The following DLX1 variants were observed in gnomAD, a reference collection of about 807,000 sequenced individuals.
The protein encoded by DLX1 is distal-less homeobox 1.
A neutral mutation model predicts 25.0 loss-of-function variants in DLX1; 7 were observed. The observed-to-expected ratio is 0.28, with a 90% CI of 0.16 to 0.52. DLX1 has a LOEUF of 0.52. Ranked by LOEUF, DLX1 falls within the 20% of genes least tolerant of loss-of-function variation. The pLI is 0.96. For synonymous variants in DLX1, 155 were observed against 140.3 expected (o/e 1.10, Z -0.74); for missense variants, 233 against 334.4 (o/e 0.70, Z 2.37).
Position 172,086,190 on chromosome 2 carries a change from T to A in DLX1, c.313+200T>A, listed in dbSNP as rs552586648. On this transcript the variant is annotated intron_variant, in intron 1 of 2. Coordinates refer to ENST00000361725, the MANE Select transcript of DLX1 (RefSeq NM_178120.5). ...CCTTGTCACAGCAAATAAATTTTTT[T>A]AAAAATTCCCTCAATTTGCAACTAT... 1.3e-3 allele frequency: 794 copies of A among 604,754 alleles called. 12 individuals are homozygous for A. In the East Asian group the frequency reaches 0.014, roughly 10 times the overall value. 37.5% of individuals were successfully genotyped at this position (604,754 alleles called of 1,614,324 possible).
intron 1 of DLX1, 200 bp downstream of exon 1, chr2:172,086,190 T>G: frequency 1.7e-6 from 1 of 604,762 alleles, no homozygotes; most frequent in Non-Finnish European, 2.8e-6. Context: ...TAAATTTTTT[T>G]AAAAATTCCC....
rs1338105487 is a variant in DLX1, at chr2:172,088,752, G to C, written c.*495G>C. The C allele has an allele frequency of 6.5e-6, 1 of 152,966 alleles. No individual in the cohort carries two copies. Among genetic ancestry groups the C allele is most frequent in the East Asian group, 1.9e-4 (1 of 5,200 alleles). The allele number at this position is 152,966 out of a possible 1,614,324, so 9.5% of individuals were successfully genotyped here. A position where few individuals can be genotyped will look rare whatever the true frequency, so the allele number is the denominator to read the frequency against. On this transcript the variant is annotated 3_prime_UTR_variant, in exon 3 of 3. Transcript: ENST00000361725. Reference sequence around the variant, plus strand: ...ACAAGGTCTGAGCGGCCCGGGTCCTGCCGGGCTGACCATCTCCGGATCCTG... The same window carrying C: ...ACAAGGTCTGAGCGGCCCGGGTCCTCCCGGGCTGACCATCTCCGGATCCTG...
rs557048979 is a variant in DLX1 at position 172,089,363 on chromosome 2, A to T, written c.*1106A>T. 4.1e-4 allele frequency: 63 copies of T among 152,546 alleles called. No homozygotes were observed. Among genetic ancestry groups the T allele is most frequent in the Non-Finnish European group, 7.3e-4 (50 of 68,034 alleles). The allele number at this position is 152,546 out of a possible 1,614,324, so 9.4% of individuals were successfully genotyped here. ...ACAATCTCCAGTGCAGGATCTAATG[A>T]CTGTACATATTATTGTTATTATTAT... is the stretch of plus-strand genomic sequence containing the variant. On this transcript the variant is annotated 3_prime_UTR_variant, in exon 3 of 3. Transcript: ENST00000361725.
chr2:172,088,274 C>T lies in DLX1; in HGVS notation c.*17C>T. 3 of 1,446,248 alleles carry T rather than the reference C, an allele frequency of 2.1e-6. No homozygotes were observed. 89.6% of individuals were successfully genotyped at this position (1,446,248 alleles called of 1,614,324 possible). A position where few individuals can be genotyped will look rare whatever the true frequency, so the allele number is the denominator to read the frequency against. The stretch of plus-strand genomic sequence containing the variant: ...CTTATGTGAGGTTGCCCGCCCGTCT[C>T]CTTCTTGTCTCCCCGGCCCAGGTCC... On this transcript the variant is annotated 3_prime_UTR_variant, in exon 3 of 3. Transcript: ENST00000361725.
At chr2:172,086,054 G>A (rs543958283) in intron 1 of DLX1, 64 bp downstream of exon 1, 5 of 1,483,652 alleles carry the variant, frequency 3.4e-6, no homozygotes, top group Middle Eastern at 1.8e-4. Context: ...AAGAAGGAGC[G>A]GGGGAGAAGA....
At position 172,086,776 on chromosome 2, in the gene DLX1, A is replaced by C; in HGVS notation, c.436A>C (p.Arg146=). 6.2e-7 allele frequency: 1 copy of C among 1,613,604 alleles called. No homozygotes were observed. Among genetic ancestry groups the C allele is most frequent in the Non-Finnish European group, 8.5e-7 (1 of 1,179,770 alleles). Residue 146 remains arginine, a synonymous_variant, in exon 2 of 3, where the codon AGG becomes CGG. Transcript: ENST00000361725. ...TTTGCAGTTGCAGGCTTTGAACCGG[A>C]GGTTCCAGCAAACTCAGTACCTAGC... ...SSLQLQALNR[R]FQQTQYLALP... is the part of the protein sequence containing the mutation.
In DLX1 at chr2:172,086,698, C is replaced by T; in HGVS notation, c.358C>T (p.Arg120Cys). ...CACGGTGGTGGAAGGCGGTGAAGTGCGCTTCAATGGCAAGGGAAAAAAGAT... is the reference window on the plus strand; with the variant it reads ...CACGGTGGTGGAAGGCGGTGAAGTGTGCTTCAATGGCAAGGGAAAAAAGAT... Reference protein sequence around the residue: ...KSTVVEGGEVRFNGKGKKIRK... With the variant: ...KSTVVEGGEVCFNGKGKKIRK... The change falls in exon 2 of 3, where the codon CGC (arginine) becomes TGC (cysteine). Residue 120 changes from arginine to cysteine, a missense_variant. Arg to Cys is a radical substitution (Grantham distance 180). Around this residue, in one of 3 missense-constraint regions of DLX1, gnomAD observed 126 missense variants for 170.4 expected, o/e 0.74. Transcript: ENST00000361725. 1 of 1,564,692 alleles carries T rather than the reference C, an allele frequency of 6.4e-7. No individual in the cohort carries two copies.
chr2:172,086,611 C>A (rs1225715674), intron 1 of DLX1, 43 bp from the exon 2 acceptor site: 1 of 1,501,880 alleles, frequency 6.7e-7, no homozygotes, highest in East Asian at 2.3e-5. Context: ...CTAAAGGCGG[C>A]CCCTCGTATT....
In DLX1 at chr2:172,085,616, T is replaced by C. The variant is rs373295286; in HGVS notation, c.-62T>C. 10 of 1,532,364 alleles carry C rather than the reference T, an allele frequency of 6.5e-6. No individual in the cohort carries two copies. Among genetic ancestry groups the C allele is most frequent in the Non-Finnish European group, 8.8e-6 (10 of 1,134,150 alleles). 94.9% of individuals were successfully genotyped at this position (1,532,364 alleles called of 1,614,324 possible). On this transcript the variant is annotated 5_prime_UTR_variant, in exon 1 of 3. Coordinates refer to ENST00000361725, the MANE Select transcript of DLX1 (RefSeq NM_178120.5). The surrounding 1 kb of genome is among the most constrained non-coding windows in gnomAD (Gnocchi z 4.3). ...GGGTTCCTTCCTGTCCTGAGAAACA[T>C]AGAGACCCCCAAAAGGGAAGCAGAG...
intron 2 of DLX1, chr2:172,087,249 CCCT>C (rs567708856): frequency 7.9e-4 from 313 of 395,338 alleles, no homozygotes; most frequent in Non-Finnish European, 1.2e-3. Context: ...GCCTCAGCCT[CCCT>C]CCTCCTCCTC....
At chr2:172,086,191 A>T (rs931755836) in intron 1 of DLX1, 68 of 607,172 alleles carry the variant, frequency 1.1e-4, no homozygotes, top group Admixed American at 1.6e-4. Context: ...AAATTTTTTT[A>T]AAAATTCCCT....
chr2:172,087,451 A>G, intron 2 of DLX1: 1 of 453,282 alleles, frequency 2.2e-6, no homozygotes, highest in South Asian at 1.6e-5. Flanking sequence ...GCAGAGCTGG[A>G]GAAAGCAAAC....
rs1362205963 is a variant in DLX1 at position 172,088,946 on chromosome 2, CG to C, written c.*693del. On this transcript the variant is annotated 3_prime_UTR_variant, in exon 3 of 3. Coordinates refer to ENST00000361725, the MANE Select transcript of DLX1 (RefSeq NM_178120.5). ...AAACGCACTGTTTACTTTAAGCGCA[CG>C]GGGAGAAACGAATAAGGAGGACGTG... 1.8e-4 allele frequency: 28 copies of C among 152,078 alleles called. No individual in the cohort carries two copies. Among genetic ancestry groups the C allele is most frequent in the African/African-American group, 6.8e-4 (28 of 41,390 alleles). The allele number at this position is 152,078 out of a possible 1,614,324, so 9.4% of individuals were successfully genotyped here. A position where few individuals can be genotyped will look rare whatever the true frequency, so the allele number is the denominator to read the frequency against.
chr2:172,089,166 G>T lies in DLX1; in HGVS notation c.*909G>T, dbSNP rs1690924683. 1 of 152,198 alleles carries T rather than the reference G, an allele frequency of 6.6e-6. No homozygotes were observed. Among genetic ancestry groups the T allele is most frequent in the Admixed American group, 6.5e-5 (1 of 15,280 alleles). The allele number at this position is 152,198 out of a possible 1,614,324, so 9.4% of individuals were successfully genotyped here. Reference sequence around the variant, plus strand: ...GCTTCGCCTGGACAAGAAGGAAAATGCTGATTTCCTCCTTGGGTAGAAAGA... The same window carrying T: ...GCTTCGCCTGGACAAGAAGGAAAATTCTGATTTCCTCCTTGGGTAGAAAGA... On this transcript the variant is annotated 3_prime_UTR_variant, in exon 3 of 3. Coordinates refer to ENST00000361725, the MANE Select transcript of DLX1 (RefSeq NM_178120.5).
Position 172,085,802 on chromosome 2 carries a change from T to C in DLX1, c.125T>C (p.Met42Thr). Residue 42 changes from methionine (M) to threonine (T), a missense_variant, in exon 1 of 3, where the codon ATG (methionine) becomes ACG (threonine). Around this residue, in one of 3 missense-constraint regions of DLX1, gnomAD observed 126 missense variants for 170.4 expected, o/e 0.74. Coordinates refer to ENST00000361725, the MANE Select transcript of DLX1 (RefSeq NM_178120.5). The surrounding 1 kb of genome is among the most constrained non-coding windows in gnomAD (Gnocchi z 4.3). ...CCCATGTCCCACGGGCACTACTCCA[T>C]GCACTGTTTACACTCGGCGGGCCAT... ...PSPMSHGHYS[M>T]HCLHSAGHSQ... 1.9e-6 allele frequency: 3 copies of C among 1,614,188 alleles called. No individual in the cohort carries two copies. The highest frequency in any genetic ancestry group is 8.5e-7 in the Non-Finnish European group (1 of 1,180,028).
Position 172,088,072 on chromosome 2 carries a change from G to A in DLX1, c.583G>A (p.Glu195Lys). 1 of 1,580,522 alleles carries A rather than the reference G, an allele frequency of 6.3e-7. No homozygotes were observed. Among genetic ancestry groups the A allele is most frequent in the Non-Finnish European group, 8.6e-7 (1 of 1,163,830 alleles). Residue 195 changes from glutamate (E) to lysine (K), a missense_variant, in exon 3 of 3, where the codon GAG becomes AAG. Coordinates refer to ENST00000361725, the MANE Select transcript of DLX1 (RefSeq NM_178120.5). ...GATGAAGCAGGGTGGGGCGGCTCTG[G>A]AGGGTAGTGCGTTGGCCAACGGTCG... Reference protein sequence around the residue: ...KLMKQGGAALEGSALANGRAL... With the variant: ...KLMKQGGAALKGSALANGRAL...
At chr2:172,086,394 C>T (rs1690839617) in intron 1 of DLX1, 1 of 484,220 alleles carries the variant, frequency 2.1e-6, no homozygotes. Context: ...GTAATTAAAC[C>T]TCAACTACCG....
chr2:172,088,397 C>A lies in DLX1; in HGVS notation c.*140C>A. 1.7e-6 allele frequency: 2 copies of A among 1,160,346 alleles called. No individual in the cohort carries two copies. The highest frequency in any genetic ancestry group is 2.3e-6 in the Non-Finnish European group (2 of 888,102). The allele number at this position is 1,160,346 out of a possible 1,614,324, so 71.9% of individuals were successfully genotyped here. A position where few individuals can be genotyped will look rare whatever the true frequency, so the allele number is the denominator to read the frequency against. ...GACGCCCTCCATCTCCTCGGAGCCCCGCGAGGTCCGGCCCAGCAACTTCCC... is the reference window on the plus strand; with the variant it reads ...GACGCCCTCCATCTCCTCGGAGCCCAGCGAGGTCCGGCCCAGCAACTTCCC... On this transcript the variant is annotated 3_prime_UTR_variant, in exon 3 of 3. Coordinates refer to ENST00000361725, the MANE Select transcript of DLX1 (RefSeq NM_178120.5).
At chr2:172,087,427 G>T (rs905506714) in intron 2 of DLX1, 2 of 419,188 alleles carry the variant, frequency 4.8e-6, no homozygotes, top group Non-Finnish European at 9.7e-6. Flanking sequence ...CCGACGTCCG[G>T]TCCGGGATTT....
Sources: gnomAD v4.1 joint callset for allele counts on GRCh38, gnomAD v4.1.1 for gene constraint, gnomAD v4.1.1 regional missense constraint, Gnocchi (gnomAD v3.1) non-coding constraint, MANE v1.5 for transcripts, NCBI Gene and HGNC (gene_info 2026-07-23, HGNC 2026-07-21) for gene names.